GRIK2: variants seen among roughly 807,000 people sequenced by gnomAD.
GRIK2 encodes glutamate receptor ionotropic, kainate 2.
GRIK2 carries 32 observed loss-of-function variants against 100.3 expected under a neutral mutation model. The observed-to-expected ratio is 0.32, with a 90% CI of 0.24 to 0.43. The LOEUF (loss-of-function observed/expected upper bound fraction) is 0.43, where lower values mean the gene tolerates loss of function less well. GRIK2 is among the 20% of genes least tolerant of loss of function. The pLI is 1.00. For missense variants in GRIK2, 843 were observed against 1,114.9 expected (o/e 0.76, Z 3.47); for synonymous variants, 417 against 389.4 (o/e 1.07, Z -0.83).
intron 2 of GRIK2, among the ~76,000 whole-genome samples, chr6:101,508,735 T>C (rs1426153395): frequency 2.0e-5 from 3 of 152,160 alleles, no homozygotes; most frequent in Non-Finnish European, 4.4e-5. Context: ...GGAAATCAGT[T>C]TGATATGTTG....
chr6:101,519,654 G>A (rs1774774465), intron 2 of GRIK2, among the ~76,000 whole-genome samples: 1 of 151,902 alleles, frequency 6.6e-6, no homozygotes, highest in South Asian at 2.1e-4. Context: ...CCATTGTACT[G>A]AAATTTACAT....
chr6:101,472,853 A>G (rs983906250), intron 2 of GRIK2, among the ~76,000 whole-genome samples: 1 of 151,818 alleles, frequency 6.6e-6, no homozygotes, highest in Non-Finnish European at 1.5e-5. Flanking sequence ...TTGGAAAGCA[A>G]CAAATTGTAT....
At chr6:101,794,196 G>A (rs57728471) in intron 7 of GRIK2, among the ~76,000 whole-genome samples, 18,877 of 151,912 alleles carry the variant, frequency 0.12, 2,270 homozygotes, top group East Asian at 0.67. Flanking sequence ...GCTTCGGCTC[G>A]CGCACAGTGC....
At chr6:101,685,588 A>C (rs190277129) in intron 6 of GRIK2, among the ~76,000 whole-genome samples, 1 of 152,168 alleles carries the variant, frequency 6.6e-6, no homozygotes, top group East Asian at 1.9e-4. Context: ...AACAGGCATA[A>C]AGTGTTTATT....
chr6:101,488,163 TATA>T (rs1057166096), intron 2 of GRIK2, among the ~76,000 whole-genome samples: 1 of 146,716 alleles, frequency 6.8e-6, no homozygotes, highest in Non-Finnish European at 1.5e-5. Context: ...CTAGTCTCCT[TATA>T]ATCATCCTGC....
intron 2 of GRIK2, among the ~76,000 whole-genome samples, chr6:101,592,504 GACA>G (rs912373742): frequency 1.3e-5 from 2 of 148,944 alleles, no homozygotes; most frequent in African/African-American, 2.5e-5. Context: ...AAGACCAGCT[GACA>G]ACATTTCCAT....
intron 4 of GRIK2, among the ~76,000 whole-genome samples, chr6:101,665,201 A>G (rs138322585): frequency 6.6e-6 from 1 of 152,168 alleles, no homozygotes; most frequent in Non-Finnish European, 1.5e-5. Flanking sequence ...CCTCAATCAT[A>G]TGATGGGAGT....
intron 7 of GRIK2, among the ~76,000 whole-genome samples, chr6:101,725,101 G>A (rs1379485475): frequency 2.6e-5 from 4 of 152,026 alleles, no homozygotes; most frequent in Admixed American, 6.6e-5. Context: ...ACAGTGATCC[G>A]GGCTTATGGC....
At chr6:102,026,897 A>C (rs1769733354) in intron 14 of GRIK2, among the ~76,000 whole-genome samples, 1 of 151,284 alleles carries the variant, frequency 6.6e-6, no homozygotes, top group Middle Eastern at 3.2e-3. Context: ...TATGAACCAC[A>C]TATGGCTTCA....
At chr6:101,816,433 G>A (rs1242359227) in intron 9 of GRIK2, among the ~76,000 whole-genome samples, 16 of 152,116 alleles carry the variant, frequency 1.1e-4, no homozygotes, top group African/African-American at 2.7e-4. Context: ...TGTAATCCCA[G>A]CACTTTGGGA....
intron 12 of GRIK2, among the ~76,000 whole-genome samples, chr6:101,901,872 A>C (rs1787866775): frequency 6.6e-6 from 1 of 151,982 alleles, no homozygotes; most frequent in Non-Finnish European, 1.5e-5. Flanking sequence ...TTTCAAATTC[A>C]TTTGGATCTA....
At chr6:101,837,680 C>T (rs1435006260) in intron 10 of GRIK2, among the ~76,000 whole-genome samples, 1 of 152,138 alleles carries the variant, frequency 6.6e-6, no homozygotes, top group Non-Finnish European at 1.5e-5. Context: ...AATTCAATTA[C>T]TTCTTCAGTT....
At chr6:101,768,570 T>G (rs1159986454) in intron 7 of GRIK2, among the ~76,000 whole-genome samples, 1 of 152,212 alleles carries the variant, frequency 6.6e-6, no homozygotes, top group African/African-American at 2.4e-5. Context: ...GAAAGCTGTC[T>G]TCCATAATCT....
intron 9 of GRIK2, among the ~76,000 whole-genome samples, chr6:101,814,323 G>A (rs372950320): frequency 1.3e-4 from 19 of 151,996 alleles, no homozygotes; most frequent in African/African-American, 4.6e-4. Context: ...TGAGAAATAT[G>A]TTGAAAGTGA....
intron 7 of GRIK2, among the ~76,000 whole-genome samples, chr6:101,692,202 A>G (rs1227546782): frequency 6.6e-6 from 1 of 152,058 alleles, no homozygotes; most frequent in Non-Finnish European, 1.5e-5. Flanking sequence ...TTTTTCTTTA[A>G]TTCATTTGAA....
At chr6:101,624,460 G>T (rs1407453767) in intron 3 of GRIK2, among the ~76,000 whole-genome samples, 3 of 152,180 alleles carry the variant, frequency 2.0e-5, no homozygotes, top group East Asian at 3.9e-4. Context: ...GATTTTTAAA[G>T]AATGTTTAAA....
intron 4 of GRIK2, among the ~76,000 whole-genome samples, chr6:101,667,695 T>A (rs1770134307): frequency 6.6e-6 from 1 of 152,164 alleles, no homozygotes; most frequent in African/African-American, 2.4e-5. Context: ...TGTATTATTA[T>A]TATGATTTTT....
intron 2 of GRIK2, among the ~76,000 whole-genome samples, chr6:101,583,121 A>G (rs1778180112): frequency 6.6e-6 from 1 of 152,164 alleles, no homozygotes; most frequent in Non-Finnish European, 1.5e-5. Context: ...AGTTACAGCT[A>G]TTTTCAAGTA....
intron 15 of GRIK2, among the ~76,000 whole-genome samples, chr6:102,045,586 G>T (rs1479170895): frequency 1.3e-5 from 2 of 151,746 alleles, no homozygotes; most frequent in African/African-American, 4.8e-5. Context: ...AAATCATCTG[G>T]TATCAAGAGA....
Sources: allele counts gnomAD v4.1 joint callset (sites outside exome capture counted in the v4.1 genomes callset), GRCh38; gene constraint gnomAD v4.1.1; transcripts MANE v1.5; gene names NCBI Gene and HGNC (gene_info 2026-07-23, HGNC 2026-07-21).